The following HP1BP3 variants were observed in gnomAD, a reference collection of about 807,000 sequenced individuals.
HP1BP3 encodes the protein heterochromatin protein 1-binding protein 3.
HP1BP3 carries 12 observed loss-of-function variants against 62.5 expected under a neutral mutation model. The ratio of observed to expected loss-of-function variants is 0.19; its 90% confidence interval spans 0.12 to 0.31. HP1BP3 has a LOEUF of 0.31. HP1BP3 is among the 10% of genes least tolerant of loss of function. The pLI is 1.00. For missense variants in HP1BP3, 502 were observed against 651.8 expected (o/e 0.77, Z 2.50); for synonymous variants, 260 against 237.8 (o/e 1.09, Z -0.86).
chr1:20,744,989 T>C lies in HP1BP3; in HGVS notation c.1470A>G (p.Lys490=), dbSNP rs2055217922. The C allele has an allele frequency of 6.2e-7, 1 of 1,614,190 alleles. No homozygotes were observed. Among genetic ancestry groups the C allele is most frequent in the Non-Finnish European group, 8.5e-7 (1 of 1,180,044 alleles). ...APKVSAAQRG[K]ARPLPKKAPP... is the part of the protein sequence containing the mutation. ...GTGCTTTCTTAGGCAAGGGCCTAGC[T>C]TTCCCCCGCTGGGCAGCTGAGACTT... The change falls in exon 13 of 13, where the codon AAA becomes AAG. Residue 490 remains lysine, a synonymous_variant. Transcript: ENST00000438032.
At chr1:20,773,345 G>T in intron 5 of HP1BP3, 106 bp downstream of exon 5, 1 of 866,930 alleles carries the variant, frequency 1.2e-6, no homozygotes. Context: ...ACTCCTTTAG[G>T]AAGCAGAACA....
chr1:20,765,973 A>C (rs1188656297), intron 7 of HP1BP3, among the ~76,000 whole-genome samples: 5 of 151,378 alleles, frequency 3.3e-5, no homozygotes, highest in Non-Finnish European at 5.9e-5. Flanking sequence ...TCAAAAAAAA[A>C]AAAAAACAAA....
chr1:20,761,084 G>A (rs973049683), intron 8 of HP1BP3, among the ~76,000 whole-genome samples: 5 of 152,012 alleles, frequency 3.3e-5, no homozygotes, highest in African/African-American at 9.7e-5. Context: ...TCACTCTGTC[G>A]CCCAGGCTGG....
intron 3 of HP1BP3, among the ~76,000 whole-genome samples, chr1:20,778,274 A>T (rs1042714597): frequency 7.2e-5 from 11 of 152,374 alleles, no homozygotes; most frequent in African/African-American, 2.6e-4. Context: ...CCAACTCATT[A>T]AACTACTGTG....
rs916778451 is a variant in HP1BP3 at position 20,744,016 on chromosome 1, C to G, written c.*781G>C. The G allele has an allele frequency of 6.6e-6, 1 of 152,204 alleles. No homozygotes were observed. The highest frequency in any genetic ancestry group is 2.4e-5 in the African/African-American group (1 of 41,424). 9.4% of individuals were successfully genotyped at this position (152,204 alleles called of 1,614,324 possible). A position where few individuals can be genotyped will look rare whatever the true frequency, so the allele number is the denominator to read the frequency against. On this transcript the variant is annotated 3_prime_UTR_variant, in exon 13 of 13. Coordinates refer to ENST00000438032, the MANE Select transcript of HP1BP3 (RefSeq NM_001372052.1). ...CCCAGGAGGTGGAGGTTGCAGTGAG[C>G]TGAGATTGCACCACTGCACTCCGGG...
At chr1:20,786,740 C>G (rs1447018525) in intron 1 of HP1BP3, 1 of 152,242 alleles carries the variant, frequency 6.6e-6, no homozygotes, top group Non-Finnish European at 1.5e-5. Flanking sequence ...TCTTTCGAAC[C>G]GGCTCCGAAA....
intron 3 of HP1BP3, among the ~76,000 whole-genome samples, chr1:20,777,712 C>T (rs1445399468): frequency 6.6e-6 from 1 of 152,220 alleles, no homozygotes; most frequent in African/African-American, 2.4e-5. Context: ...CCCGCCTCAG[C>T]CTCCCAAAAT....
At chr1:20,786,258 C>A (rs2057822697) in intron 1 of HP1BP3, 1 of 152,460 alleles carries the variant, frequency 6.6e-6, no homozygotes, top group East Asian at 1.9e-4. Flanking sequence ...CCTACCGAGG[C>A]ACCGCTCTCA....
intron 1 of HP1BP3, among the ~76,000 whole-genome samples, chr1:20,785,433 G>A (rs978849038): frequency 2.6e-5 from 4 of 152,168 alleles, no homozygotes; most frequent in Non-Finnish European, 4.4e-5. Context: ...TGTCATTAGT[G>A]ATGCGCTGAA....
chr1:20,775,766 C>A lies in HP1BP3; in HGVS notation c.350+831G>T, dbSNP rs571753152. On this transcript the variant is annotated intron_variant, in intron 4 of 12. Transcript: ENST00000438032. ...CTACAGTATTTAGTACAGTAACATG[C>A]TGTACAGGTTTGTAGCCTAGAAGCA... is the stretch of plus-strand genomic sequence containing the variant. 67 of 453,896 alleles carry A rather than the reference C, an allele frequency of 1.5e-4. 2 individuals carry two copies. The East Asian group carries it at 2.2e-3, about 15-fold the overall frequency. The allele number at this position is 453,896 out of a possible 1,614,324, so 28.1% of individuals were successfully genotyped here. A position where few individuals can be genotyped will look rare whatever the true frequency, so the allele number is the denominator to read the frequency against.
chr1:20,776,722 G>C lies in HP1BP3; in HGVS notation c.225C>G (p.Val75=). The C allele has an allele frequency of 1.2e-6, 2 of 1,613,344 alleles. No individual in the cohort carries two copies. The highest frequency in any genetic ancestry group is 1.7e-6 in the Non-Finnish European group (2 of 1,179,668). ...CATTCTCTTGTTCTTCTACAGTGGA[G>C]ACAGATTCCTCTGAACTTATGTCTG... ...PEPDISSEES[V]STVEEQENET... The change falls in exon 4 of 13, where the codon GTC becomes GTG. Residue 75 remains valine (V), a synonymous_variant. Coordinates refer to ENST00000438032, the MANE Select transcript of HP1BP3 (RefSeq NM_001372052.1).
At chr1:20,764,128 T>C (rs1451553116) in intron 8 of HP1BP3, among the ~76,000 whole-genome samples, 2 of 152,222 alleles carry the variant, frequency 1.3e-5, no homozygotes, top group Non-Finnish European at 2.9e-5. Flanking sequence ...TATAATAAAA[T>C]GAAATGTCTT....
At chr1:20,760,286 C>A (rs916529373) in intron 8 of HP1BP3, among the ~76,000 whole-genome samples, 2 of 152,098 alleles carry the variant, frequency 1.3e-5, no homozygotes, top group Non-Finnish European at 2.9e-5. Context: ...CACCTGTAAT[C>A]CCAACACCTG....
rs1367749078 is a variant in HP1BP3 at position 20,741,427 on chromosome 1, T to C, written c.*3370A>G. Among the ~76,000 whole-genome samples, 2 of 152,160 alleles carry C rather than the reference T, an allele frequency of 1.3e-5. No homozygotes were observed. The highest frequency in any genetic ancestry group is 2.9e-5 in the Non-Finnish European group (2 of 68,022). ...AAAACAGCAATGATGAAAAAACAAATGTCAAAAGGTGTTAGCAGATTGTTT... is the reference window on the plus strand; with the variant it reads ...AAAACAGCAATGATGAAAAAACAAACGTCAAAAGGTGTTAGCAGATTGTTT... On this transcript the variant is annotated 3_prime_UTR_variant, in exon 13 of 13. Transcript: ENST00000438032.
chr1:20,762,058 C>A (rs2056514009), intron 8 of HP1BP3, among the ~76,000 whole-genome samples: 1 of 152,200 alleles, frequency 6.6e-6, no homozygotes, highest in Non-Finnish European at 1.5e-5. Context: ...CCAGTATAGA[C>A]AACTTACACT....
intron 11 of HP1BP3, among the ~76,000 whole-genome samples, chr1:20,746,186 A>ATATATGTGTGTGTGTG (rs1286650893): frequency 2.1e-5 from 3 of 143,148 alleles, no homozygotes; most frequent in African/African-American, 8.1e-5. Flanking sequence ...ACATACATAT[A>ATATATGTGTGTGTGTG]TGTGTGTGTG....
At chr1:20,747,471 G>A in intron 11 of HP1BP3, 73 bp downstream of exon 11, 1 of 952,990 alleles carries the variant, frequency 1.0e-6, no homozygotes, top group Non-Finnish European at 1.6e-6. Flanking sequence ...AGTAATAAGG[G>A]TAAAATAAAT....
chr1:20,763,365 CATTA>C (rs1387388604), intron 8 of HP1BP3, among the ~76,000 whole-genome samples: 2 of 152,192 alleles, frequency 1.3e-5, no homozygotes, highest in Non-Finnish European at 2.9e-5. Context: ...AATATCAGCA[CATTA>C]ATTTAGAACT....
At chr1:20,785,453 T>A (rs182088859) in intron 1 of HP1BP3, among the ~76,000 whole-genome samples, 2 of 152,348 alleles carry the variant, frequency 1.3e-5, no homozygotes, top group African/African-American at 4.8e-5. Flanking sequence ...ACACCTCACA[T>A]TGTTCCCAAT....
Sources: gnomAD v4.1 joint callset for allele counts (sites outside exome capture counted in the v4.1 genomes callset) on GRCh38, gnomAD v4.1.1 for gene constraint, MANE v1.5 for transcripts, NCBI Gene and HGNC (gene_info 2026-07-23, HGNC 2026-07-21) for gene names.